MAP7: variants seen among roughly 807,000 people sequenced by gnomAD.
MAP7 encodes ensconsin.
Under a neutral mutation model 94.8 loss-of-function variants are expected in MAP7, and 52 were observed. That is an observed-to-expected ratio of 0.55 (90% CI 0.44 to 0.69). The LOEUF (loss-of-function observed/expected upper bound fraction) is 0.69. MAP7 is among the 30% of genes least tolerant of loss of function. The probability of loss-of-function intolerance (pLI) is 0.00; values close to 1 mark genes in which losing one functional copy is unlikely to be tolerated. For missense variants in MAP7, 940 were observed against 964.6 expected, an observed-to-expected ratio of 0.97 and a Z score of 0.34; for synonymous variants, 350 against 357.0, an observed-to-expected ratio of 0.98 and a Z score of 0.22.
intron 1 of MAP7, among the ~76,000 whole-genome samples, chr6:136,517,734 A>C (rs1825273304): frequency 6.6e-6 from 1 of 150,554 alleles, no homozygotes; most frequent in African/African-American, 2.5e-5. Context: ...TATAGCCTGG[A>C]TTTCTAATAA....
rs117242601 is a variant in MAP7, at chr6:136,467,513, G to C, written c.68-45714C>G. Among the ~76,000 whole-genome samples the C allele has an allele frequency of 6.7e-4, 102 of 152,306 alleles. No homozygotes were observed. The East Asian group carries it at 0.017, about 25-fold the overall frequency. On this transcript the variant is annotated intron_variant, in intron 1 of 17. Transcript: ENST00000354570. ...TGAAGGCTTTCCCAGGGGAGAAGAA[G>C]AACTAGTGAATTTAAATGCTAAAGT...
intron 1 of MAP7, chr6:136,476,283 G>A (rs1202014238): frequency 6.6e-6 from 1 of 152,092 alleles, no homozygotes; most frequent in Non-Finnish European, 1.5e-5. Context: ...TTATTCTCAA[G>A]AGCTGTGCTG....
At chr6:136,433,343 T>G (rs2128813007) in intron 1 of MAP7, among the ~76,000 whole-genome samples, 1 of 152,372 alleles carries the variant, frequency 6.6e-6, no homozygotes, top group South Asian at 2.1e-4. Flanking sequence ...CTATTAAATC[T>G]TCACTGATGT....
rs1792064984 is a variant in MAP7, at chr6:136,359,966, CG to C, written c.1854+14del. ...AAAGCATACAAAAGTAGTTAGAAAA[CG>C]GCCATGTCAATACCTTATCTGTAGC... On this transcript the variant is annotated intron_variant, in intron 14 of 17. Transcript: ENST00000354570. 1 of 1,612,016 alleles carries C rather than the reference CG, an allele frequency of 6.2e-7. No individual in the cohort carries two copies. The highest frequency in any genetic ancestry group is 1.7e-4 in the Middle Eastern group (1 of 6,054).
chr6:136,361,733 C>T (rs936348717), intron 11 of MAP7, among the ~76,000 whole-genome samples: 2 of 152,098 alleles, frequency 1.3e-5, no homozygotes, highest in African/African-American at 4.8e-5. Flanking sequence ...CAGAAGATGA[C>T]CAATTAAACA....
chr6:136,411,481 C>A, intron 3 of MAP7, 139 bp downstream of exon 3: 1 of 708,480 alleles, frequency 1.4e-6, no homozygotes, highest in Non-Finnish European at 2.3e-6. Context: ...TAAAACTTAT[C>A]CCTATGTTTA....
chr6:136,507,290 C>G (rs929857995), intron 1 of MAP7, among the ~76,000 whole-genome samples: 3 of 151,630 alleles, frequency 2.0e-5, no homozygotes, highest in Non-Finnish European at 2.9e-5. Context: ...TCCCACAGTT[C>G]CCTCTCTGGA....
At chr6:136,433,742 G>A (rs894964511) in intron 1 of MAP7, among the ~76,000 whole-genome samples, 1 of 152,172 alleles carries the variant, frequency 6.6e-6, no homozygotes, top group African/African-American at 2.4e-5. Context: ...AAGCATCGTG[G>A]GCTGCTGAAA....
At chr6:136,412,822 A>C (rs910816764) in intron 2 of MAP7, among the ~76,000 whole-genome samples, 2 of 152,162 alleles carry the variant, frequency 1.3e-5, no homozygotes, top group African/African-American at 4.8e-5. Flanking sequence ...TGAGCATAAT[A>C]ATCACACTTA....
chr6:136,389,383 TCTC>T lies in MAP7; in HGVS notation c.376_378del (p.Glu126del). 6.4e-7 allele frequency: 1 copy of T among 1,563,132 alleles called. No homozygotes were observed. ...TCCTCCTCAAGTCTCTGCCTCCGCT[TCTC>T]CTCCACAGCAGCCCTCCTCCGCTCC... On this transcript the variant is annotated inframe_deletion, in exon 4 of 18. Coordinates refer to ENST00000354570, the MANE Select transcript of MAP7 (RefSeq NM_003980.6).
intron 1 of MAP7, among the ~76,000 whole-genome samples, chr6:136,503,352 G>A (rs1477370671): frequency 6.7e-6 from 1 of 149,018 alleles, no homozygotes; most frequent in African/African-American, 2.5e-5. Flanking sequence ...CTGTCAACTC[G>A]ATGTGGTTCC....
chr6:136,442,012 C>T (rs1582922536), intron 1 of MAP7, among the ~76,000 whole-genome samples: 1 of 151,954 alleles, frequency 6.6e-6, no homozygotes, highest in South Asian at 2.1e-4. Context: ...GACCCTGTCT[C>T]AACAACAACA....
chr6:136,366,418 T>C lies in MAP7; in HGVS notation c.898A>G (p.Arg300Gly), dbSNP rs35791300. 3 of 1,613,158 alleles carry C rather than the reference T, an allele frequency of 1.9e-6. No individual in the cohort carries two copies. In the African/African-American group the frequency reaches 4.0e-5, roughly 22 times the overall value. Residue 300 changes from arginine (R) to glycine (G), a missense_variant, in exon 9 of 18, where the codon AGA becomes GGA. Arg to Gly is a moderately radical substitution (Grantham distance 125). Coordinates refer to ENST00000354570, the MANE Select transcript of MAP7 (RefSeq NM_003980.6). ...GTASYKKERE[R>G]ENVLFLTSGT... is the part of the protein sequence containing the mutation. ...GATGTGAGGAAGAGTACATTTTCTC[T>C]CTCTCTTTCTTTTTTATAGCTCTAA...
chr6:136,425,648 T>C (rs1360337322), intron 1 of MAP7, among the ~76,000 whole-genome samples: 3 of 152,182 alleles, frequency 2.0e-5, no homozygotes, highest in Admixed American at 6.5e-5. Context: ...ATCATAGGTA[T>C]GAAGTGTTTT....
At chr6:136,408,052 TA>T (rs1295715613) in intron 3 of MAP7, among the ~76,000 whole-genome samples, 1 of 151,900 alleles carries the variant, frequency 6.6e-6, no homozygotes, top group East Asian at 1.9e-4. Context: ...AATCAATATT[TA>T]AAAAGGAGAG....
At chr6:136,526,259 A>C in intron 1 of MAP7, 2 of 1,124,532 alleles carry the variant, frequency 1.8e-6, no homozygotes, top group Non-Finnish European at 1.1e-6. Flanking sequence ...CGGCTCATGC[A>C]TGCACGTACA....
intron 1 of MAP7, among the ~76,000 whole-genome samples, chr6:136,440,868 T>G (rs1384319439): frequency 2.0e-5 from 3 of 151,500 alleles, no homozygotes; most frequent in Admixed American, 1.3e-4. Flanking sequence ...CTCTTCCCAA[T>G]CTCTTGGTAA....
chr6:136,495,095 T>C (rs1313138443), intron 1 of MAP7, among the ~76,000 whole-genome samples: 3 of 152,190 alleles, frequency 2.0e-5, no homozygotes, highest in Admixed American at 2.0e-4. Flanking sequence ...TGACCCTCTT[T>C]ATCTTTACCA....
At chr6:136,347,266 T>G (rs1056272563) in intron 16 of MAP7, among the ~76,000 whole-genome samples, 1 of 152,238 alleles carries the variant, frequency 6.6e-6, no homozygotes, top group African/African-American at 2.4e-5. Context: ...TTAACCTTAG[T>G]CTCAGTAATA....
Sources: gnomAD v4.1 joint callset for allele counts (sites outside exome capture counted in the v4.1 genomes callset) on GRCh38, gnomAD v4.1.1 for gene constraint, MANE v1.5 for transcripts, NCBI Gene and HGNC (gene_info 2026-07-23, HGNC 2026-07-21) for gene names.